The following AGBL4 variants were observed in gnomAD, a reference collection of about 807,000 sequenced individuals.
The protein encoded by AGBL4 is AGBL carboxypeptidase 4, also known as cytosolic carboxypeptidase 6.
In AGBL4, 58 loss-of-function variants were observed where a neutral mutation model predicts 66.4. That is an observed-to-expected ratio of 0.87 (90% CI 0.71 to 1.09). The LOEUF (loss-of-function observed/expected upper bound fraction) is 1.09. Ranked by LOEUF, AGBL4 falls within the 50% of genes least tolerant of loss-of-function variation. The pLI is 0.00. For synonymous variants in AGBL4, 234 were observed against 222.9 expected (o/e 1.05, Z -0.44); for missense variants, 579 against 631.0 (o/e 0.92, Z 0.88).
intron 8 of AGBL4, among the ~76,000 whole-genome samples, chr1:48,639,467 C>A (rs1015925728): frequency 2.0e-5 from 3 of 152,216 alleles, no homozygotes; most frequent in Admixed American, 6.5e-5. Flanking sequence ...CTATACTTCA[C>A]TCACAGAGAT....
In AGBL4 at chr1:48,674,244, A is replaced by G. The variant is rs376434813; in HGVS notation, c.635-11003T>C. The stretch of plus-strand genomic sequence containing the variant: ...GTTAATGGCTGTGAATCCCTGCCAT[A>G]CATTCACGCTGGCCGCATATCTACC... On this transcript the variant is annotated intron_variant, in intron 6 of 13. Transcript: ENST00000371839. Among the ~76,000 whole-genome samples, 8 of 152,352 alleles carry G rather than the reference A, an allele frequency of 5.3e-5. No individual in the cohort carries two copies. The South Asian group carries it at 1.0e-3, about 20-fold the overall frequency.
intron 6 of AGBL4, chr1:48,761,292 G>C (rs1339026713): frequency 1.3e-6 from 2 of 1,515,996 alleles, no homozygotes; most frequent in Non-Finnish European, 8.9e-7. Context: ...CGAGATATCT[G>C]AAAATGCTCC....
chr1:48,583,581 C>T (rs1644771089), intron 11 of AGBL4, among the ~76,000 whole-genome samples: 1 of 152,172 alleles, frequency 6.6e-6, no homozygotes, highest in Admixed American at 6.5e-5. Context: ...AGGGGTTAGA[C>T]AAGTGTGAAG....
rs544877549 is a variant in AGBL4 at position 49,066,688 on chromosome 1, A to G, written c.378-20888T>C. On this transcript the variant is annotated intron_variant, in intron 4 of 13. Coordinates refer to ENST00000371839, the MANE Select transcript of AGBL4 (RefSeq NM_032785.4). The stretch of plus-strand genomic sequence containing the variant: ...TGCTCTTTCTGGCTAAGTTTTAATC[A>G]GAAATCACATCTCTATTTACTTGAA... 2.6e-5 allele frequency among the ~76,000 whole-genome samples: 4 copies of G among 152,374 alleles called. No homozygotes were observed. The South Asian group carries it at 8.3e-4, about 32-fold the overall frequency.
intron 6 of AGBL4, among the ~76,000 whole-genome samples, chr1:48,694,803 T>C (rs1036250860): frequency 3.3e-5 from 5 of 152,090 alleles, no homozygotes; most frequent in African/African-American, 1.2e-4. Flanking sequence ...CTCTTCTGAC[T>C]CAGCTGCCCG....
At chr1:49,662,569 C>T (rs528062102) in intron 3 of AGBL4, among the ~76,000 whole-genome samples, 93 of 152,170 alleles carry the variant, frequency 6.1e-4, no homozygotes, top group African/African-American at 2.1e-3. Context: ...CACAAAATTG[C>T]AGGTGAGAGA....
At chr1:49,911,457 T>A (rs997969581) in intron 1 of AGBL4, among the ~76,000 whole-genome samples, 1 of 152,132 alleles carries the variant, frequency 6.6e-6, no homozygotes, top group Non-Finnish European at 1.5e-5. Flanking sequence ...ACATACAATA[T>A]AAATCATGCT....
chr1:49,443,708 C>A (rs1646089602), intron 3 of AGBL4, among the ~76,000 whole-genome samples: 1 of 151,228 alleles, frequency 6.6e-6, no homozygotes, highest in Non-Finnish European at 1.5e-5. Context: ...GAGCCTCCAG[C>A]CTTGTTCTTT....
At chr1:48,947,802 T>A (rs955590477) in intron 5 of AGBL4, among the ~76,000 whole-genome samples, 2 of 152,048 alleles carry the variant, frequency 1.3e-5, no homozygotes, top group African/African-American at 4.8e-5. Context: ...CATCTCACAC[T>A]AAAGTATGAA....
intron 6 of AGBL4, among the ~76,000 whole-genome samples, chr1:48,768,887 G>A (rs988702934): frequency 3.9e-5 from 6 of 152,260 alleles, no homozygotes; most frequent in Admixed American, 3.3e-4. Context: ...TTCTCTGGCC[G>A]ATGGTGTTTG....
At chr1:48,647,450 A>T in intron 8 of AGBL4, 1 of 262,874 alleles carries the variant, frequency 3.8e-6, no homozygotes, top group South Asian at 3.4e-5. Flanking sequence ...CTATGGTAAC[A>T]AAAAGTAATT....
chr1:49,068,661 T>A (rs1211862981), intron 4 of AGBL4, among the ~76,000 whole-genome samples: 1 of 152,232 alleles, frequency 6.6e-6, no homozygotes. Context: ...TCCAAGACTT[T>A]GCTACTGTGA....
At chr1:48,789,277 GAT>G (rs370928082) in intron 6 of AGBL4, among the ~76,000 whole-genome samples, 2,099 of 125,734 alleles carry the variant, frequency 0.017, 20 homozygotes, top group Non-Finnish European at 0.019. Context: ...TTGCTGCGTG[GAT>G]ATATATATAT....
At chr1:49,563,657 G>A (rs1304566526) in intron 3 of AGBL4, among the ~76,000 whole-genome samples, 2 of 152,114 alleles carry the variant, frequency 1.3e-5, no homozygotes, top group Non-Finnish European at 2.9e-5. Flanking sequence ...CAGGGATGAA[G>A]CCCACTTGAT....
Position 49,846,208 on chromosome 1 carries a change from G to A in AGBL4, c.157+5188C>T, listed in dbSNP as rs1646138739. Reference sequence around the variant, plus strand: ...TCAACCACAGCTCCTCACTCAGCCAGCACAAAAGGACACACACTGGGGAAA... The same window carrying A: ...TCAACCACAGCTCCTCACTCAGCCAACACAAAAGGACACACACTGGGGAAA... On this transcript the variant is annotated intron_variant, in intron 2 of 13. Coordinates refer to ENST00000371839, the MANE Select transcript of AGBL4 (RefSeq NM_032785.4). The A allele has an allele frequency of 6.9e-6, 10 of 1,459,736 alleles. No homozygotes were observed. The Admixed American group carries it at 1.5e-4, about 22-fold the overall frequency. The allele number at this position is 1,459,736 out of a possible 1,614,324, so 90.4% of individuals were successfully genotyped here.
chr1:49,509,251 A>G (rs1648975120), intron 3 of AGBL4, among the ~76,000 whole-genome samples: 1 of 151,822 alleles, frequency 6.6e-6, no homozygotes, highest in African/African-American at 2.4e-5. Flanking sequence ...ACAAAGGCAA[A>G]GAGATAGGAA....
intron 6 of AGBL4, among the ~76,000 whole-genome samples, chr1:48,707,919 G>T (rs1362094109): frequency 6.6e-6 from 1 of 152,144 alleles, no homozygotes; most frequent in Non-Finnish European, 1.5e-5. Context: ...TGAGAGTGAT[G>T]CTCTCTGAAT....
chr1:49,335,795 G>T (rs1344272804), intron 3 of AGBL4, among the ~76,000 whole-genome samples: 1 of 152,110 alleles, frequency 6.6e-6, no homozygotes, highest in Non-Finnish European at 1.5e-5. Context: ...GATTATAGGC[G>T]TGAGCCACCG....
rs1310373394 is a variant in AGBL4, at chr1:48,968,190, T to A, written c.594+77394A>T. Reference sequence around the variant, plus strand: ...GAATTAGGGATAGTATCCTAAGGAATAACAAGAAAACCGAAGTGCTAGAGC... The same window carrying A: ...GAATTAGGGATAGTATCCTAAGGAAAAACAAGAAAACCGAAGTGCTAGAGC... On this transcript the variant is annotated intron_variant, in intron 5 of 13. Coordinates refer to ENST00000371839, the MANE Select transcript of AGBL4 (RefSeq NM_032785.4). 6.6e-5 allele frequency among the ~76,000 whole-genome samples: 10 copies of A among 151,880 alleles called. No homozygotes were observed. The East Asian group carries it at 1.9e-3, about 29-fold the overall frequency.
Sources: gnomAD v4.1 joint callset for allele counts (sites outside exome capture counted in the v4.1 genomes callset) on GRCh38, gnomAD v4.1.1 for gene constraint, MANE v1.5 for transcripts, NCBI Gene and HGNC (gene_info 2026-07-23, HGNC 2026-07-21) for gene names.